The following SP3 variants were observed in gnomAD, a reference collection of about 807,000 sequenced individuals.
SP3 encodes transcription factor Sp3.
In SP3, 10 loss-of-function variants were observed where a neutral mutation model predicts 70.3. The observed-to-expected ratio is 0.14, with a 90% CI of 0.09 to 0.24. The LOEUF is 0.24. Ranked by LOEUF, SP3 falls within the 10% of genes least tolerant of loss-of-function variation. The probability of loss-of-function intolerance (pLI) is 1.00; values close to 1 mark genes in which losing one functional copy is unlikely to be tolerated. For synonymous variants in SP3, 402 were observed against 333.5 expected (o/e 1.21, Z -2.24); for missense variants, 825 against 914.6 (o/e 0.90, Z 1.26).
At chr2:173,960,487 G>A (rs572289281) in intron 3 of SP3, among the ~76,000 whole-genome samples, 1 of 152,198 alleles carries the variant, frequency 6.6e-6, no homozygotes, top group Admixed American at 6.5e-5. Flanking sequence ...AAAGAACTCA[G>A]ACTTCAAATA....
At chr2:173,958,687 C>T (rs375917180) in intron 3 of SP3, among the ~76,000 whole-genome samples, 132 of 151,134 alleles carry the variant, frequency 8.7e-4, no homozygotes, top group African/African-American at 2.8e-3. Flanking sequence ...GCTGAATACC[C>T]TATTTTCTAA....
chr2:173,931,216 T>C (rs1690055779), intron 4 of SP3, among the ~76,000 whole-genome samples: 1 of 152,194 alleles, frequency 6.6e-6, no homozygotes, highest in Non-Finnish European at 1.5e-5. Context: ...TCAAAGTCAA[T>C]TGCTGCTGAC....
At chr2:173,944,139 T>C (rs1233535999) in intron 4 of SP3, among the ~76,000 whole-genome samples, 3 of 152,256 alleles carry the variant, frequency 2.0e-5, no homozygotes, top group Non-Finnish European at 2.9e-5. Context: ...ACTGAATCAA[T>C]GACTGACTAA....
At chr2:173,964,069 C>T (rs1032527227) in intron 2 of SP3, 186 bp from the exon 3 acceptor site, 9 of 363,140 alleles carry the variant, frequency 2.5e-5, no homozygotes, top group Non-Finnish European at 4.4e-5. Flanking sequence ...GCCTGGCGTC[C>T]CCCGCTCCAA....
In SP3 at chr2:173,908,375, G is replaced by GTCT. The variant is rs1689385608; in HGVS notation, c.*1563_*1565dup. 6.6e-6 allele frequency: 1 copy of GTCT among 152,260 alleles called. No homozygotes were observed. Among genetic ancestry groups the GTCT allele is most frequent in the African/African-American group, 2.4e-5 (1 of 41,360 alleles). The allele number at this position is 152,260 out of a possible 1,614,324, so 9.4% of individuals were successfully genotyped here. Reference sequence around the variant, plus strand: ...GGTAAAAAATTAGTAAATGACCAGTGTCTCTATATATCTCTTCTTCAAATA... The same window carrying GTCT: ...GGTAAAAAATTAGTAAATGACCAGTGTCTTCTCTATATATCTCTTCTTCAAATA... On this transcript the variant is annotated 3_prime_UTR_variant, in exon 7 of 7. Transcript: ENST00000310015.
intron 6 of SP3, among the ~76,000 whole-genome samples, chr2:173,911,918 A>AAGC (rs1689496133): frequency 6.8e-6 from 1 of 147,526 alleles, no homozygotes; most frequent in African/African-American, 2.5e-5. Flanking sequence ...CCATGGGCTC[A>AAGC]AGCAATCCTC....
chr2:173,953,784 C>A (rs200741116), intron 4 of SP3, among the ~76,000 whole-genome samples: 12,809 of 125,568 alleles, frequency 0.1, 1,810 homozygotes, highest in African/African-American at 0.33. Flanking sequence ...CAAAACAAAA[C>A]AAAAAAAAAA....
In SP3 at chr2:173,902,777, A is replaced by G. The variant is rs1448001135; in HGVS notation, c.*7164T>C. Among the ~76,000 whole-genome samples the G allele has an allele frequency of 2.0e-5, 3 of 152,240 alleles. No homozygotes were observed. The highest frequency in any genetic ancestry group is 6.5e-5 in the Admixed American group (1 of 15,288). On this transcript the variant is annotated 3_prime_UTR_variant, in exon 7 of 7. Transcript: ENST00000310015. Reference sequence around the variant, plus strand: ...AAAACAATCCTAGGTATGCATACATATAATAAGGATATAAAACCACTCATG... The same window carrying G: ...AAAACAATCCTAGGTATGCATACATGTAATAAGGATATAAAACCACTCATG...
intron 4 of SP3, among the ~76,000 whole-genome samples, chr2:173,928,914 A>G (rs190121310): frequency 2.8e-4 from 42 of 152,368 alleles, no homozygotes; most frequent in Admixed American, 1.4e-3. Context: ...CAAAATTATA[A>G]TCTAACACAT....
At chr2:173,920,718 G>A (rs1323815973) in intron 4 of SP3, among the ~76,000 whole-genome samples, 8 of 152,000 alleles carry the variant, frequency 5.3e-5, no homozygotes, top group African/African-American at 1.7e-4. Context: ...AGCCTCCCGA[G>A]TAGCTGGGAT....
intron 4 of SP3, among the ~76,000 whole-genome samples, chr2:173,921,270 G>A (rs1689746055): frequency 6.6e-6 from 1 of 152,054 alleles, no homozygotes; most frequent in African/African-American, 2.4e-5. Context: ...AAATGAGTGT[G>A]TCCCACAAAT....
chr2:173,946,202 A>T (rs1486388120), intron 4 of SP3, among the ~76,000 whole-genome samples: 1 of 152,160 alleles, frequency 6.6e-6, no homozygotes, highest in Non-Finnish European at 1.5e-5. Flanking sequence ...AAACAAGAAT[A>T]GCAGGGTGTT....
chr2:173,938,876 T>G (rs1008078722), intron 4 of SP3, among the ~76,000 whole-genome samples: 1 of 152,154 alleles, frequency 6.6e-6, no homozygotes. Flanking sequence ...AACCCAATGA[T>G]TCTTAAGGGG....
chr2:173,942,579 C>T (rs1038549201), intron 4 of SP3, among the ~76,000 whole-genome samples: 1 of 152,060 alleles, frequency 6.6e-6, no homozygotes, highest in Non-Finnish European at 1.5e-5. Context: ...AATATTTCAT[C>T]GAGTCATATC....
chr2:173,911,813 C>CTTTTTTTTTTTTT (rs11448837), intron 6 of SP3, among the ~76,000 whole-genome samples: 1 of 98,042 alleles, frequency 1.0e-5, no homozygotes, highest in Non-Finnish European at 1.9e-5. Context: ...TTTTATCTAC[C>CTTTTTTTTTTTTT]TTTTTTTTTT....
chr2:173,962,140 G>A (rs901390263), intron 3 of SP3, among the ~76,000 whole-genome samples: 1 of 152,072 alleles, frequency 6.6e-6, no homozygotes, highest in African/African-American at 2.4e-5. Context: ...ACAAGTATAT[G>A]GCCACAGCTG....
chr2:173,955,252 T>C lies in SP3; in HGVS notation c.1260A>G (p.Thr420=), dbSNP rs149781468. The change falls in exon 4 of 7, where the codon ACA becomes ACG. Residue 420 remains threonine (T), a synonymous_variant. Transcript: ENST00000310015. Reference sequence around the variant, plus strand: ...GACCACTGGCTTGCACACCATGGATTGTCTGTGGTGTAATACCTTGCACAA... The same window carrying C: ...GACCACTGGCTTGCACACCATGGATCGTCTGTGGTGTAATACCTTGCACAA... ...AQIVQGITPQ[T]IHGVQASGQN... is the part of the protein sequence containing the mutation. 1.4e-4 allele frequency: 223 copies of C among 1,614,004 alleles called. No homozygotes were observed. The highest frequency in any genetic ancestry group is 3.3e-4 in the Admixed American group (20 of 59,978).
In SP3 at chr2:173,901,656, T is replaced by C. The variant is rs1689192039; in HGVS notation, c.*8285A>G. Among the ~76,000 whole-genome samples, 1 of 148,696 alleles carries C rather than the reference T, an allele frequency of 6.7e-6. No homozygotes were observed. Among genetic ancestry groups the C allele is most frequent in the African/African-American group, 2.5e-5 (1 of 40,544 alleles). On this transcript the variant is annotated 3_prime_UTR_variant, in exon 7 of 7. Coordinates refer to ENST00000310015, the MANE Select transcript of SP3 (RefSeq NM_003111.5). ...GTAGCCTATATCCCCAGCCGTTGGA[T>C]AAAATGAACAGCAGGGAAACAGTTA... is the stretch of plus-strand genomic sequence containing the variant.
chr2:173,936,375 A>G lies in SP3; in HGVS notation c.1640-17590T>C, dbSNP rs1690212494. Among the ~76,000 whole-genome samples, 3 of 152,244 alleles carry G rather than the reference A, an allele frequency of 2.0e-5. No individual in the cohort carries two copies. In the South Asian group the frequency reaches 6.2e-4, roughly 32 times the overall value. On this transcript the variant is annotated intron_variant, in intron 4 of 6. Coordinates refer to ENST00000310015, the MANE Select transcript of SP3 (RefSeq NM_003111.5). The stretch of plus-strand genomic sequence containing the variant: ...CCCATTCCACTCTGTTCTGAAGGTT[A>G]TGTCTTCCAAGCATTGATTTATTCA...
Sources: allele counts gnomAD v4.1 joint callset (sites outside exome capture counted in the v4.1 genomes callset), GRCh38; gene constraint gnomAD v4.1.1; transcripts MANE v1.5; gene names NCBI Gene and HGNC (gene_info 2026-07-23, HGNC 2026-07-21).